The following DIS3L2 variants were observed in gnomAD, a reference collection of about 807,000 sequenced individuals.
DIS3L2 encodes the protein DIS3 like 3'-5' exoribonuclease 2.
In DIS3L2, 34 loss-of-function variants were observed where a neutral mutation model predicts 97.5. The ratio of observed to expected loss-of-function variants is 0.35; its 90% CI spans 0.27 to 0.46. The LOEUF is 0.46. Ranked by LOEUF, DIS3L2 falls within the 20% of genes least tolerant of loss-of-function variation. DIS3L2 has a pLI of 1.00. For synonymous variants in DIS3L2, 435 were observed against 445.2 expected, an observed-to-expected ratio of 0.98 and a Z score of 0.29; for missense variants, 1,038 against 1,146.0, an observed-to-expected ratio of 0.91 and a Z score of 1.36.
At chr2:232,253,166 G>C (rs898128165) in intron 12 of DIS3L2, among the ~76,000 whole-genome samples, 10 of 152,190 alleles carry the variant, frequency 6.6e-5, no homozygotes, top group African/African-American at 2.4e-4. Context: ...CAAGGGTTGA[G>C]ACATCATAAA....
At chr2:232,132,499 C>T (rs1464781284) in intron 7 of DIS3L2, among the ~76,000 whole-genome samples, 3 of 152,164 alleles carry the variant, frequency 2.0e-5, no homozygotes, top group Non-Finnish European at 4.4e-5. Flanking sequence ...GGAAGGCAAA[C>T]TAGTTATGTC....
intron 1 of DIS3L2, among the ~76,000 whole-genome samples, chr2:232,008,734 G>A (rs1459451212): frequency 2.0e-5 from 3 of 152,104 alleles, no homozygotes; most frequent in African/African-American, 7.2e-5. Context: ...TTCCCCTGGT[G>A]CCAAAGGCAA....
intron 13 of DIS3L2, among the ~76,000 whole-genome samples, chr2:232,297,339 C>T (rs186965541): frequency 2.6e-5 from 4 of 152,188 alleles, no homozygotes; most frequent in African/African-American, 7.2e-5. Context: ...TGTGCCAGCC[C>T]AGTGGCTAAG....
At chr2:232,024,228 T>A in intron 3 of DIS3L2, 49 bp from the exon 4 acceptor site, 1 of 1,396,864 alleles carries the variant, frequency 7.2e-7, no homozygotes, top group Non-Finnish European at 9.9e-7. Context: ...CGTGGAAAAA[T>A]CGTAAATATA....
chr2:232,307,199 G>T (rs1439053653), intron 14 of DIS3L2, among the ~76,000 whole-genome samples: 1 of 152,178 alleles, frequency 6.6e-6, no homozygotes, highest in Non-Finnish European at 1.5e-5. Context: ...TCAAGGTCTT[G>T]TTTTTTTCAT....
chr2:231,992,015 G>T (rs539198177), intron 1 of DIS3L2, among the ~76,000 whole-genome samples: 16 of 152,272 alleles, frequency 1.1e-4, no homozygotes, highest in Admixed American at 3.9e-4. Context: ...ATGAGGGGAG[G>T]TATTACTTTG....
At chr2:232,122,850 T>A (rs917216992) in intron 6 of DIS3L2, among the ~76,000 whole-genome samples, 1 of 152,220 alleles carries the variant, frequency 6.6e-6, no homozygotes, top group Non-Finnish European at 1.5e-5. Flanking sequence ...TATAAACTAT[T>A]TCCAGTGGGC....
intron 10 of DIS3L2, among the ~76,000 whole-genome samples, chr2:232,233,210 G>A (rs1325021606): frequency 1.3e-5 from 2 of 152,204 alleles, no homozygotes; most frequent in African/African-American, 2.4e-5. Context: ...AGACTAGGTG[G>A]CATAAAGAAC....
chr2:232,130,662 C>G lies in DIS3L2; in HGVS notation c.645C>G (p.Thr215=). 1 of 1,613,708 alleles carries G rather than the reference C, an allele frequency of 6.2e-7. No homozygotes were observed. Among genetic ancestry groups the G allele is most frequent in the South Asian group, 1.1e-5 (1 of 91,008 alleles). The change falls in exon 7 of 21, where the codon ACC becomes ACG. Residue 215 remains threonine (T), a synonymous_variant. Coordinates refer to ENST00000325385, the MANE Select transcript of DIS3L2 (RefSeq NM_152383.5). ...CACCGGTTACAAAAGATGAGACCAC[C>G]TGCATTTCACAAGACACAAGAGCTT... ...GDAPVTKDET[T]CISQDTRALS...
rs529920630 is a variant in DIS3L2 at position 232,337,074 on chromosome 2, G to A, written c.*444G>A. On this transcript the variant is annotated 3_prime_UTR_variant, in exon 21 of 21. Transcript: ENST00000325385. ...TTCAGGCTTCACCCCTCGCTGCTGA[G>A]CCGATGTCAACACCTGGAACTTTCC... 1.9e-6 allele frequency: 2 copies of A among 1,033,392 alleles called. No individual in the cohort carries two copies. The highest frequency in any genetic ancestry group is 1.1e-4 in the East Asian group (1 of 9,516). 64.0% of individuals were successfully genotyped at this position (1,033,392 alleles called of 1,614,324 possible). A position where few individuals can be genotyped will look rare whatever the true frequency, so the allele number is the denominator to read the frequency against.
intron 10 of DIS3L2, among the ~76,000 whole-genome samples, chr2:232,222,234 C>T (rs919783358): frequency 1.6e-4 from 25 of 152,186 alleles, no homozygotes; most frequent in African/African-American, 5.5e-4. Flanking sequence ...TGAGCCACCA[C>T]GCCCAGCTTT....
At position 232,055,603 on chromosome 2, in the gene DIS3L2, G is replaced by GT. The variant is rs1695525998; in HGVS notation, c.366+25524dup. On this transcript the variant is annotated intron_variant, in intron 5 of 20. Transcript: ENST00000325385. ...AGCCAACATTCCAGCAATCGTTGTT[G>GT]TGTGTGTGTGGAAAGTAACAAGCTG... 2.0e-5 allele frequency among the ~76,000 whole-genome samples: 3 copies of GT among 152,080 alleles called. No individual in the cohort carries two copies. In the South Asian group the frequency reaches 6.2e-4, roughly 31 times the overall value.
rs181566397 is a variant in DIS3L2 at position 232,012,859 on chromosome 2, C to T, written c.-93-1976C>T. The stretch of plus-strand genomic sequence containing the variant: ...ATGCCCTCCTCTGTATCTGCGTACC[C>T]TTTCTTGGCAATCTTATCCATTCTT... On this transcript the variant is annotated intron_variant, in intron 1 of 20. Coordinates refer to ENST00000325385, the MANE Select transcript of DIS3L2 (RefSeq NM_152383.5). Among the ~76,000 whole-genome samples the T allele has an allele frequency of 1.8e-3, 276 of 152,288 alleles. 1 individual carries two copies. Among genetic ancestry groups the T allele is most frequent in the Admixed American group, 2.7e-3 (41 of 15,306 alleles).
At chr2:232,265,707 A>G (rs776718087) in intron 13 of DIS3L2, among the ~76,000 whole-genome samples, 2 of 152,262 alleles carry the variant, frequency 1.3e-5, no homozygotes, top group African/African-American at 4.8e-5. Context: ...CTGGATAAGG[A>G]TAAGTCTTTA....
intron 1 of DIS3L2, among the ~76,000 whole-genome samples, chr2:232,012,500 G>T (rs962291405): frequency 6.6e-6 from 1 of 152,092 alleles, no homozygotes; most frequent in African/African-American, 2.4e-5. Context: ...TCCAGCGCTT[G>T]TTTTTGGGTT....
At chr2:232,227,191 A>G (rs1026779308) in intron 10 of DIS3L2, among the ~76,000 whole-genome samples, 12 of 152,210 alleles carry the variant, frequency 7.9e-5, no homozygotes, top group African/African-American at 2.9e-4. Flanking sequence ...ACTTGTCAAA[A>G]TGTTTGTTCT....
chr2:231,977,949 T>A (rs1382947223), intron 1 of DIS3L2, among the ~76,000 whole-genome samples: 1 of 152,230 alleles, frequency 6.6e-6, no homozygotes, highest in Middle Eastern at 3.2e-3. Flanking sequence ...TTGCCCTTTC[T>A]TGTATCCCTG....
At chr2:231,975,896 TCA>T (rs1289389672) in intron 1 of DIS3L2, among the ~76,000 whole-genome samples, 1 of 151,990 alleles carries the variant, frequency 6.6e-6, no homozygotes, top group African/African-American at 2.4e-5. Context: ...TTCTTTATTC[TCA>T]CTTATTTCTA....
chr2:231,987,846 C>CT lies in DIS3L2; in HGVS notation c.-94+26091dup, dbSNP rs1046995448. ...TGGTCATTTTTCTTTTTCTTTCTTT[C>CT]TTTTTTTTTTGAGACAGAGTTTCGC... On this transcript the variant is annotated intron_variant, in intron 1 of 20. Coordinates refer to ENST00000325385, the MANE Select transcript of DIS3L2 (RefSeq NM_152383.5). Among the ~76,000 whole-genome samples the CT allele has an allele frequency of 3.1e-4, 46 of 148,974 alleles. No individual in the cohort carries two copies. The South Asian group carries it at 3.2e-3, about 10-fold the overall frequency.
Sources: allele counts gnomAD v4.1 joint callset (sites outside exome capture counted in the v4.1 genomes callset), GRCh38; gene constraint gnomAD v4.1.1; transcripts MANE v1.5; gene names NCBI Gene and HGNC (gene_info 2026-07-23, HGNC 2026-07-21).